Variants in DOP1A observed in about 807,000 individuals in gnomAD.
DOP1A encodes protein DOP1A.
Under a neutral mutation model 267.6 loss-of-function variants are expected in DOP1A, and 90 were observed. The observed-to-expected ratio is 0.34, with a 90% CI of 0.28 to 0.40. The LOEUF (loss-of-function observed/expected upper bound fraction) is 0.40, where lower values mean the gene tolerates loss of function less well. Among genes scored for constraint, DOP1A ranks in the 10% least tolerant of loss-of-function variants. The pLI, the probability that DOP1A is intolerant of heterozygous loss-of-function variation, is 1.00. For synonymous variants in DOP1A, 932 were observed against 999.1 expected (o/e 0.93, Z 1.27); for missense variants, 2,437 against 2,900.4 (o/e 0.84, Z 3.67).
Position 83,151,977 on chromosome 6 carries a change from C to T in DOP1A, c.5999C>T (p.Pro2000Leu), listed in dbSNP as rs772420940. The change falls in exon 29 of 39, where the codon CCT becomes CTT. Residue 2000 changes from proline (P) to leucine (L), a missense_variant. This residue lies in a region of DOP1A where 216 missense variants were observed against 283.3 expected (regional missense o/e 0.76). Transcript: ENST00000349129. ...TWLRRNLEVKPSPKIMVDGTN... is the reference protein window; with the variant it reads ...TWLRRNLEVKLSPKIMVDGTN... ...CTGCGACGAAATCTTGAAGTTAAGCCTTCTCCCAAAATAATGGTAGATGGA... is the reference window on the plus strand; with the variant it reads ...CTGCGACGAAATCTTGAAGTTAAGCTTTCTCCCAAAATAATGGTAGATGGA... The T allele has an allele frequency of 3.1e-6, 5 of 1,613,918 alleles. No individual in the cohort carries two copies. Among genetic ancestry groups the T allele is most frequent in the Non-Finnish European group, 4.2e-6 (5 of 1,179,930 alleles).
intron 3 of DOP1A, among the ~76,000 whole-genome samples, chr6:83,099,624 C>T (rs1772164745): frequency 6.6e-6 from 1 of 150,586 alleles, no homozygotes; most frequent in African/African-American, 2.4e-5. Flanking sequence ...AGAAGAATAC[C>T]CAAGTTGTTT....
At chr6:83,099,036 T>C (rs1772034803) in intron 3 of DOP1A, among the ~76,000 whole-genome samples, 1 of 151,658 alleles carries the variant, frequency 6.6e-6, no homozygotes, top group South Asian at 2.1e-4. Flanking sequence ...GATTCCTGCC[T>C]TAGGGAGAAA....
intron 1 of DOP1A, among the ~76,000 whole-genome samples, chr6:83,071,007 G>A (rs562995831): frequency 6.6e-6 from 1 of 152,334 alleles, no homozygotes; most frequent in East Asian, 1.9e-4. Context: ...ATAAACAGAA[G>A]GTGGACGTAT....
intron 38 of DOP1A, chr6:83,165,564 C>G (rs1459162032): frequency 5.7e-6 from 1 of 175,280 alleles, no homozygotes; most frequent in Non-Finnish European, 1.2e-5. Context: ...TTTGTTTACT[C>G]CTGTAGCATA....
chr6:83,168,723 T>C (rs530750020), downstream of DOP1A: 2 of 997,506 alleles, frequency 2.0e-6, no homozygotes, highest in African/African-American at 1.7e-5. Context: ...CCCCTATTCA[T>C]ACCTCTGAGT....
intron 1 of DOP1A, among the ~76,000 whole-genome samples, chr6:83,091,684 T>C (rs534216268): frequency 1.8e-4 from 27 of 152,318 alleles, no homozygotes; most frequent in African/African-American, 5.3e-4. Flanking sequence ...ACCCCTATTT[T>C]CATTAATAGA....
intron 33 of DOP1A, among the ~76,000 whole-genome samples, chr6:83,154,984 T>G (rs1782481234): frequency 6.6e-6 from 1 of 152,178 alleles, no homozygotes; most frequent in Non-Finnish European, 1.5e-5. Context: ...CAAATTTTTA[T>G]TAAAAGACAA....
At position 83,141,913 on chromosome 6, in the gene DOP1A, T is replaced by C. The variant is rs1779713490; in HGVS notation, c.5416-8T>C. The C allele has an allele frequency of 6.3e-7, 1 of 1,579,880 alleles. No individual in the cohort carries two copies. The highest frequency in any genetic ancestry group is 1.4e-5 in the African/African-American group (1 of 72,560). ...AGTTTCACTTTCATTTGCTTCAAAT[T>C]GTTTTAGAACTTGAGACAACAGATT... On this transcript the variant is annotated splice_polypyrimidine_tract_variant and splice_region_variant and intron_variant, in intron 23 of 38. Coordinates refer to ENST00000349129, the MANE Select transcript of DOP1A (RefSeq NM_015018.4).
downstream of DOP1A, chr6:83,170,538 G>T: frequency 7.6e-7 from 1 of 1,319,240 alleles, no homozygotes; most frequent in Non-Finnish European, 1.1e-6. Context: ...AGCTTAACCT[G>T]TTAAACATAC....
intron 1 of DOP1A, among the ~76,000 whole-genome samples, chr6:83,076,253 G>A (rs1374347559): frequency 6.6e-6 from 1 of 152,218 alleles, no homozygotes; most frequent in African/African-American, 2.4e-5. Flanking sequence ...GCCGGGTGTG[G>A]TGGCTCAGGC....
Position 83,132,323 on chromosome 6 carries a change from G to A in DOP1A, c.2764G>A (p.Asp922Asn). 1 of 1,593,856 alleles carries A rather than the reference G, an allele frequency of 6.3e-7. No homozygotes were observed. Among genetic ancestry groups the A allele is most frequent in the Non-Finnish European group, 8.5e-7 (1 of 1,174,276 alleles). Residue 922 changes from aspartate to asparagine, a missense_variant, in exon 18 of 39, where the codon GAT (aspartate) becomes AAT (asparagine). Physicochemically the swap from Asp to Asn is conservative, Grantham distance 23. Around this residue, in one of 9 missense-constraint regions of DOP1A, gnomAD observed 878 missense variants for 992.9 expected, o/e 0.88. Transcript: ENST00000349129. The stretch of plus-strand genomic sequence containing the variant: ...TATAAGTCAGCAGTTAACCCATAAA[G>A]ATAAGGTAAATCCTCTTATCTTGTG... Reference protein sequence around the residue: ...DVISQQLTHKDKKIRMEAHAK... With the variant: ...DVISQQLTHKNKKIRMEAHAK...
intron 37 of DOP1A, among the ~76,000 whole-genome samples, chr6:83,160,743 T>G (rs1784037605): frequency 6.6e-6 from 1 of 152,178 alleles, no homozygotes; most frequent in Non-Finnish European, 1.5e-5. Flanking sequence ...ATATGAGAAT[T>G]TATCCACAAG....
intron 4 of DOP1A, among the ~76,000 whole-genome samples, chr6:83,106,214 G>A (rs1773585438): frequency 6.6e-6 from 1 of 151,962 alleles, no homozygotes; most frequent in African/African-American, 2.4e-5. Flanking sequence ...TTTTTAATGT[G>A]ATGCAGTGCA....
At chr6:83,146,731 A>G (rs1583103940) in intron 25 of DOP1A, among the ~76,000 whole-genome samples, 1 of 152,190 alleles carries the variant, frequency 6.6e-6, no homozygotes, top group East Asian at 1.9e-4. Context: ...TTCCAAGGGC[A>G]GGTGTTTTAT....
At chr6:83,091,613 A>T (rs997567664) in intron 1 of DOP1A, among the ~76,000 whole-genome samples, 2 of 152,178 alleles carry the variant, frequency 1.3e-5, no homozygotes, top group Non-Finnish European at 2.9e-5. Context: ...AGCAAATAAG[A>T]TTATCTGAAG....
chr6:83,159,927 C>A lies in DOP1A; in HGVS notation c.6929C>A (p.Ala2310Glu). The change falls in exon 37 of 39, where the codon GCA becomes GAA. Residue 2310 changes from alanine to glutamate, a missense_variant. This residue lies in a region of DOP1A where 197 missense variants were observed against 246.5 expected (regional missense o/e 0.80). Transcript: ENST00000349129. ...TGCAAATTTTTGGATTTGGCTCTCG[C>A]ATTGCCCTCTGAAAACCTTCCTCAG... ...SACKFLDLAL[A>E]LPSENLPQFQ... 6.2e-7 allele frequency: 1 copy of A among 1,614,106 alleles called. No individual in the cohort carries two copies. The highest frequency in any genetic ancestry group is 8.5e-7 in the Non-Finnish European group (1 of 1,180,018).
At chr6:83,101,841 C>T (rs1384971417) in intron 4 of DOP1A, among the ~76,000 whole-genome samples, 3 of 152,106 alleles carry the variant, frequency 2.0e-5, no homozygotes, top group Admixed American at 2.0e-4. Context: ...TTAACATAGC[C>T]ATCATCTTAC....
At chr6:83,105,410 G>C (rs562539472) in intron 4 of DOP1A, among the ~76,000 whole-genome samples, 7 of 119,706 alleles carry the variant, frequency 5.8e-5, no homozygotes, top group Non-Finnish European at 3.2e-5. Flanking sequence ...TGTCACCCAA[G>C]GTGGAGTGCA....
intron 1 of DOP1A, among the ~76,000 whole-genome samples, chr6:83,072,115 T>C (rs1484672637): frequency 6.6e-6 from 1 of 152,206 alleles, no homozygotes; most frequent in African/African-American, 2.4e-5. Context: ...TCTACTCTCC[T>C]GTGGAAGGAG....
Sources: gnomAD v4.1 joint callset for allele counts (sites outside exome capture counted in the v4.1 genomes callset) on GRCh38, gnomAD v4.1.1 for gene constraint, gnomAD v4.1.1 regional missense constraint, MANE v1.5 for transcripts, NCBI Gene and HGNC (gene_info 2026-07-23, HGNC 2026-07-21) for gene names.